The following BAZ2B variants were observed in gnomAD, a reference collection of about 807,000 sequenced individuals.
The protein encoded by BAZ2B is bromodomain adjacent to zinc finger domain protein 2B.
A neutral mutation model predicts 246.0 loss-of-function variants in BAZ2B; 91 were observed. That is an observed-to-expected ratio of 0.37 (90% CI 0.31 to 0.44). BAZ2B has a LOEUF of 0.44. BAZ2B is among the 20% of genes least tolerant of loss of function. BAZ2B has a pLI of 1.00. For synonymous variants in BAZ2B, 855 were observed against 860.0 expected (o/e 0.99, Z 0.10); for missense variants, 2,332 against 2,533.7 (o/e 0.92, Z 1.71).
intron 1 of BAZ2B, among the ~76,000 whole-genome samples, chr2:159,600,848 T>A (rs1424457238): frequency 6.6e-6 from 1 of 152,262 alleles, no homozygotes; most frequent in Non-Finnish European, 1.5e-5. Flanking sequence ...TTTTTTGGCC[T>A]CATCGTTTTT....
intron 36 of BAZ2B, among the ~76,000 whole-genome samples, 194 bp downstream of exon 36, chr2:159,324,617 T>C (rs2063177501): frequency 7.0e-6 from 1 of 143,128 alleles, no homozygotes; most frequent in Non-Finnish European, 1.5e-5. Context: ...TATTCTACTC[T>C]AACCAAATAC....
intron 2 of BAZ2B, among the ~76,000 whole-genome samples, chr2:159,505,190 T>C (rs2082206162): frequency 6.6e-6 from 1 of 152,224 alleles, no homozygotes. Flanking sequence ...ATATGTAATT[T>C]CATAGAAGAG....
chr2:159,617,077 G>T (rs938209330), upstream of BAZ2B: 1 of 152,146 alleles, frequency 6.6e-6, no homozygotes, highest in East Asian at 1.9e-4. Context: ...TTAAATAAAA[G>T]ACGTTAAAAT....
At chr2:159,595,251 C>T (rs1214024289) in intron 1 of BAZ2B, among the ~76,000 whole-genome samples, 13 of 152,088 alleles carry the variant, frequency 8.5e-5, no homozygotes, top group Admixed American at 6.6e-4. Context: ...CACAGGCATG[C>T]ACCACCACAC....
At chr2:159,468,780 A>T (rs7588242) in intron 3 of BAZ2B, among the ~76,000 whole-genome samples, 2 of 152,244 alleles carry the variant, frequency 1.3e-5, no homozygotes, top group Admixed American at 6.5e-5. Context: ...TGCGGTGGCT[A>T]ACGCCTGTAA....
chr2:159,369,901 G>A (rs1022055878), intron 27 of BAZ2B, among the ~76,000 whole-genome samples: 1 of 152,108 alleles, frequency 6.6e-6, no homozygotes, highest in Non-Finnish European at 1.5e-5. Flanking sequence ...GGATGGCTGG[G>A]TCAAATGGTA....
At chr2:159,711,521 T>G in the BAZ2B span, among the ~76,000 whole-genome samples, 4 of 152,302 alleles carry the variant, frequency 2.6e-5, no homozygotes, top group East Asian at 7.7e-4. Context: ...ATTATTTGGA[T>G]CCAAAGGATT....
chr2:159,677,878 A>C, the BAZ2B span, among the ~76,000 whole-genome samples: 1 of 152,212 alleles, frequency 6.6e-6, no homozygotes, highest in African/African-American at 2.4e-5. Flanking sequence ...CACCAGAAAC[A>C]AATGCTATAT....
intron 2 of BAZ2B, among the ~76,000 whole-genome samples, chr2:159,554,005 T>G (rs1330750400): frequency 1.3e-5 from 2 of 152,156 alleles, no homozygotes; most frequent in African/African-American, 2.4e-5. Flanking sequence ...TGTTGAAATC[T>G]ACCCTCTTTT....
At chr2:159,561,018 C>T (rs887434142) in intron 1 of BAZ2B, among the ~76,000 whole-genome samples, 4 of 152,120 alleles carry the variant, frequency 2.6e-5, no homozygotes, top group Admixed American at 1.3e-4. Flanking sequence ...TGTTGTGCAA[C>T]AGAACTTTCT....
At chr2:159,320,963 G>A (rs1239538652) in intron 36 of BAZ2B, among the ~76,000 whole-genome samples, 1 of 152,142 alleles carries the variant, frequency 6.6e-6, no homozygotes, top group Non-Finnish European at 1.5e-5. Flanking sequence ...TTCTGCCCAA[G>A]CAATAGAGTA....
At chr2:159,629,618 G>A in the BAZ2B span, among the ~76,000 whole-genome samples, 6 of 150,614 alleles carry the variant, frequency 4.0e-5, no homozygotes, top group Non-Finnish European at 7.4e-5. Context: ...AGTGGGAGTT[G>A]AACAATGAGA....
intron 4 of BAZ2B, among the ~76,000 whole-genome samples, chr2:159,450,741 C>CA (rs1559469170): frequency 7.0e-6 from 1 of 143,456 alleles, no homozygotes; most frequent in Admixed American, 7.0e-5. Flanking sequence ...ACATTTAACT[C>CA]TTTTTTTTTT....
the BAZ2B span, among the ~76,000 whole-genome samples, chr2:159,664,709 C>CAAAGAGAA: frequency 1.2e-5 from 1 of 86,178 alleles, no homozygotes; most frequent in Admixed American, 1.5e-4. Context: ...CCTTCGCCCA[C>CAAAGAGAA]TTTTTGATGG....
intron 6 of BAZ2B, 104 bp downstream of exon 6, chr2:159,446,678 G>C (rs2074296557): frequency 1.4e-5 from 15 of 1,080,640 alleles, no homozygotes; most frequent in Non-Finnish European, 2.6e-6. Context: ...ATAAAAGTTG[G>C]TAATTCATAA....
chr2:159,433,107 C>T lies in BAZ2B; in HGVS notation c.1550G>A (p.Ser517Asn), dbSNP rs760996233. Residue 517 changes from serine (S) to asparagine (N), a missense_variant, in exon 9 of 37, where the codon AGC (serine) becomes AAC (asparagine). Physicochemically the swap from Ser to Asn is conservative, Grantham distance 46. This residue lies in a region of BAZ2B where 651 missense variants were observed against 650.9 expected (regional missense o/e 1.00). Transcript: ENST00000392783. ...LALTTKTKMQSKINENIAAAS... is the reference protein window; with the variant it reads ...LALTTKTKMQNKINENIAAAS... ...AGCAGCAATGTTTTCATTAATCTTG[C>T]TCTGCATTTTAGTTTTGGTAGTAAG... 8 of 1,614,080 alleles carry T rather than the reference C, an allele frequency of 5.0e-6. No homozygotes were observed. The highest frequency in any genetic ancestry group is 1.3e-5 in the African/African-American group (1 of 74,938).
chr2:159,496,136 G>T (rs1235245042), intron 2 of BAZ2B, among the ~76,000 whole-genome samples: 1 of 149,322 alleles, frequency 6.7e-6, no homozygotes, highest in Non-Finnish European at 1.5e-5. Flanking sequence ...AGCACTTTGG[G>T]AGGTCAAGGT....
intron 1 of BAZ2B, among the ~76,000 whole-genome samples, chr2:159,576,828 G>A (rs202015256): frequency 5.7e-5 from 8 of 139,964 alleles, no homozygotes; most frequent in Non-Finnish European, 6.1e-5. Flanking sequence ...CAGGAGAATC[G>A]CTTGAACCCA....
chr2:159,389,109 C>CCAAT (rs2149578527), intron 21 of BAZ2B, among the ~76,000 whole-genome samples: 1 of 151,130 alleles, frequency 6.6e-6, no homozygotes, highest in South Asian at 2.1e-4. Context: ...AACCAACCAA[C>CCAAT]CAACCAACCA....
Sources: gnomAD v4.1 joint callset for allele counts (sites outside exome capture counted in the v4.1 genomes callset) on GRCh38, gnomAD v4.1.1 for gene constraint, gnomAD v4.1.1 regional missense constraint, MANE v1.5 for transcripts, NCBI Gene and HGNC (gene_info 2026-07-23, HGNC 2026-07-21) for gene names.